The following ADGRL2 variants were observed in gnomAD, a reference collection of about 807,000 sequenced individuals.
The protein encoded by ADGRL2 is calcium-independent alpha-latrotoxin receptor 2.
In ADGRL2, 44 loss-of-function variants were observed where a neutral mutation model predicts 157.4. The ratio of observed to expected loss-of-function variants is 0.28; its 90% CI spans 0.22 to 0.36. The LOEUF is 0.36. Ranked by LOEUF, ADGRL2 falls within the 10% of genes least tolerant of loss-of-function variation. The pLI is 1.00. For missense variants in ADGRL2, 1,510 were observed against 1,768.9 expected, an observed-to-expected ratio of 0.85 and a Z score of 2.63; for synonymous variants, 585 against 624.7, an observed-to-expected ratio of 0.94 and a Z score of 0.95.
In ADGRL2 at chr1:81,508,341, A is replaced by G. The variant is rs551347557; in HGVS notation, c.-248+63252A>G. Among the ~76,000 whole-genome samples the G allele has an allele frequency of 8.5e-5, 13 of 152,314 alleles. No individual in the cohort carries two copies. The South Asian group carries it at 2.7e-3, about 32-fold the overall frequency. ...AGAGTTGTGTGTTGCCTTATATTTT[A>G]GTTACCTTCTATGTTATCATCATCA... is the stretch of plus-strand genomic sequence containing the variant. On this transcript the variant is annotated intron_variant, in intron 2 of 24. Transcript: ENST00000370721.
At chr1:81,492,052 TGAAAG>T (rs2078644533) in intron 2 of ADGRL2, among the ~76,000 whole-genome samples, 1 of 152,176 alleles carries the variant, frequency 6.6e-6, no homozygotes, top group Non-Finnish European at 1.5e-5. Flanking sequence ...GCATTTTACA[TGAAAG>T]GAAGAAAACC....
intron 1 of ADGRL2, among the ~76,000 whole-genome samples, chr1:81,700,069 G>A (rs923563159): frequency 6.6e-6 from 1 of 152,188 alleles, no homozygotes; most frequent in African/African-American, 2.4e-5. Flanking sequence ...GTGTGGTAAC[G>A]GGTGATTTCA....
chr1:81,742,159 AT>A (rs1279043401), intron 1 of ADGRL2, among the ~76,000 whole-genome samples: 2 of 151,812 alleles, frequency 1.3e-5, no homozygotes, highest in African/African-American at 4.8e-5. Flanking sequence ...ATTTCTTTAA[AT>A]TTTTTTCTCT....
intron 2 of ADGRL2, among the ~76,000 whole-genome samples, chr1:81,901,206 G>C (rs889028073): frequency 2.0e-5 from 3 of 152,082 alleles, no homozygotes; most frequent in African/African-American, 7.2e-5. Context: ...GTTAGATTTA[G>C]CATATAAGGA....
At chr1:81,370,150 A>T (rs1056350843) in intron 1 of ADGRL2, among the ~76,000 whole-genome samples, 1 of 152,196 alleles carries the variant, frequency 6.6e-6, no homozygotes, top group Non-Finnish European at 1.5e-5. Context: ...AAAAACAAAA[A>T]AAAAGGCTCT....
intron 3 of ADGRL2, among the ~76,000 whole-genome samples, chr1:81,935,401 A>G (rs146644889): frequency 1.4e-4 from 22 of 152,080 alleles, no homozygotes; most frequent in Admixed American, 1.3e-3. Context: ...GTATACTTTG[A>G]ATTATAAAAT....
At chr1:81,767,640 G>A (rs1257695078) in intron 2 of ADGRL2, among the ~76,000 whole-genome samples, 1 of 152,046 alleles carries the variant, frequency 6.6e-6, no homozygotes, top group Non-Finnish European at 1.5e-5. Context: ...GGGAGGTCGA[G>A]GCAGGAGGAT....
chr1:81,662,032 T>C (rs2082662085), intron 3 of ADGRL2, among the ~76,000 whole-genome samples: 2 of 152,080 alleles, frequency 1.3e-5, no homozygotes. Context: ...GGGTACATAG[T>C]AGAAGTATAT....
intron 2 of ADGRL2, among the ~76,000 whole-genome samples, chr1:81,551,014 T>G (rs2080132470): frequency 6.6e-6 from 1 of 152,150 alleles, no homozygotes; most frequent in Non-Finnish European, 1.5e-5. Context: ...GACCCAAGGT[T>G]GAAACCCAGC....
chr1:81,770,753 C>T (rs1479320514), intron 2 of ADGRL2, among the ~76,000 whole-genome samples: 1 of 152,164 alleles, frequency 6.6e-6, no homozygotes, highest in Non-Finnish European at 1.5e-5. Context: ...GGATTACAGG[C>T]GTGAGCCACA....
At chr1:81,968,295 T>C in intron 14 of ADGRL2, 96 bp downstream of exon 14, 1 of 1,041,606 alleles carries the variant, frequency 9.6e-7, no homozygotes, top group Non-Finnish European at 1.5e-6. Flanking sequence ...TTACCGTAAC[T>C]AAAAAGCAAA....
chr1:81,374,578 G>GAAAAAAAAAAAAAAAAAAAAAAAAACAAA (rs71242588), intron 1 of ADGRL2, among the ~76,000 whole-genome samples: 1 of 130,250 alleles, frequency 7.7e-6, no homozygotes, highest in Non-Finnish European at 1.6e-5. Context: ...TCTCAAAAAA[G>GAAAAAAAAAAAAAAAAAAAAAAAAACAAA]AAAAAAAAAA....
intron 2 of ADGRL2, among the ~76,000 whole-genome samples, chr1:81,449,046 T>G (rs2077656985): frequency 6.6e-6 from 1 of 152,234 alleles, no homozygotes; most frequent in Non-Finnish European, 1.5e-5. Context: ...TTATGAATTT[T>G]ATAGGAATTC....
At chr1:81,679,403 G>C (rs577236993) in intron 3 of ADGRL2, among the ~76,000 whole-genome samples, 1 of 108,412 alleles carries the variant, frequency 9.2e-6, no homozygotes, top group Admixed American at 9.6e-5. Flanking sequence ...CTGGATGGTA[G>C]TAAGAAAAAA....
chr1:81,896,131 G>A (rs1441962273), intron 2 of ADGRL2, among the ~76,000 whole-genome samples: 1 of 152,124 alleles, frequency 6.6e-6, no homozygotes, highest in Non-Finnish European at 1.5e-5. Flanking sequence ...TATACCTGCG[G>A]AGATGATGAA....
chr1:81,810,139 T>C (rs1372778036), intron 1 of ADGRL2, among the ~76,000 whole-genome samples: 2 of 151,958 alleles, frequency 1.3e-5, no homozygotes, highest in Non-Finnish European at 2.9e-5. Flanking sequence ...CAAAAGAGAA[T>C]TCTGTTTTCT....
rs1055222900 is a variant in ADGRL2 at position 81,993,274 on chromosome 1, A to G, written c.*2129A>G. Among the ~76,000 whole-genome samples the G allele has an allele frequency of 2.0e-5, 3 of 150,826 alleles. No individual in the cohort carries two copies. Among genetic ancestry groups the G allele is most frequent in the Admixed American group, 1.3e-4 (2 of 15,136 alleles). On this transcript the variant is annotated 3_prime_UTR_variant, in exon 24 of 24. Coordinates refer to ENST00000686636, the MANE Select transcript of ADGRL2 (RefSeq NM_001366006.2). Reference sequence around the variant, plus strand: ...AAAATTCTTCAGGGATTTATAAACTACTTGCTAAAGGAGGGCATTAGATAA... The same window carrying G: ...AAAATTCTTCAGGGATTTATAAACTGCTTGCTAAAGGAGGGCATTAGATAA...
chr1:81,727,952 C>G (rs926676196), intron 1 of ADGRL2, among the ~76,000 whole-genome samples: 2 of 151,986 alleles, frequency 1.3e-5, no homozygotes, highest in Middle Eastern at 3.4e-3. Flanking sequence ...CTGCTAAATA[C>G]CAGTGTGTAG....
At chr1:81,706,336 G>C (rs865778588) in intron 1 of ADGRL2, among the ~76,000 whole-genome samples, 14 of 152,194 alleles carry the variant, frequency 9.2e-5, no homozygotes, top group African/African-American at 3.1e-4. Context: ...AGACAGGAAA[G>C]CTGTCATACT....
Sources: allele counts gnomAD v4.1 joint callset (sites outside exome capture counted in the v4.1 genomes callset), GRCh38; gene constraint gnomAD v4.1.1; transcripts MANE v1.5; gene names NCBI Gene and HGNC (gene_info 2026-07-23, HGNC 2026-07-21).